The following CDH8 variants were observed in gnomAD, a reference collection of about 807,000 sequenced individuals.
CDH8 encodes cadherin-8.
Under a neutral mutation model 68.1 loss-of-function variants are expected in CDH8, and 17 were observed. The ratio of observed to expected loss-of-function variants is 0.25; its 90% CI spans 0.17 to 0.37. The LOEUF (loss-of-function observed/expected upper bound fraction) is 0.37. CDH8 is among the 10% of genes least tolerant of loss of function. The probability of loss-of-function intolerance (pLI) is 1.00; values close to 1 mark genes in which losing one functional copy is unlikely to be tolerated. For missense variants in CDH8, 763 were observed against 999.3 expected (o/e 0.76, Z 3.19); for synonymous variants, 372 against 365.1 (o/e 1.02, Z -0.21).
intron 8 of CDH8, among the ~76,000 whole-genome samples, chr16:61,789,108 T>A (rs1472677852): frequency 1.3e-5 from 2 of 152,102 alleles, no homozygotes; most frequent in Non-Finnish European, 2.9e-5. Context: ...TTGTTTTTAA[T>A]GGCTGAATAA....
intron 10 of CDH8, among the ~76,000 whole-genome samples, chr16:61,711,176 T>C (rs1244271177): frequency 6.6e-6 from 1 of 151,954 alleles, no homozygotes; most frequent in Non-Finnish European, 1.5e-5. Flanking sequence ...AAGAGAGAGC[T>C]CATTTCTATC....
intron 3 of CDH8, among the ~76,000 whole-genome samples, chr16:61,874,086 T>A (rs1366858438): frequency 6.6e-6 from 1 of 152,018 alleles, no homozygotes; most frequent in Admixed American, 6.6e-5. Context: ...AACTCTATGA[T>A]GTCCTGTGGT....
chr16:61,917,968 CTTTT>C (rs71390381), intron 2 of CDH8, among the ~76,000 whole-genome samples: 6,348 of 131,784 alleles, frequency 0.048, 359 homozygotes, highest in East Asian at 0.25. Context: ...AAGTTATTTG[CTTTT>C]TTTTTTTTTT....
intron 7 of CDH8, among the ~76,000 whole-genome samples, chr16:61,797,888 C>G (rs1596976513): frequency 6.6e-6 from 1 of 151,974 alleles, no homozygotes; most frequent in Non-Finnish European, 1.5e-5. Flanking sequence ...TCTCAGATTC[C>G]AAATCTATGT....
intron 8 of CDH8, among the ~76,000 whole-genome samples, chr16:61,740,019 C>T (rs571681020): frequency 2.7e-5 from 4 of 150,762 alleles, no homozygotes; most frequent in Middle Eastern, 6.8e-3. Context: ...GTGATTCTCC[C>T]GCCTCAGCCT....
At chr16:61,956,421 A>T (rs1439826827) in intron 2 of CDH8, among the ~76,000 whole-genome samples, 2 of 150,822 alleles carry the variant, frequency 1.3e-5, no homozygotes, top group African/African-American at 4.9e-5. Flanking sequence ...AACTCCAAAT[A>T]ATCCATCTTG....
chr16:61,752,885 T>A (rs1203890055), intron 8 of CDH8, among the ~76,000 whole-genome samples: 3 of 152,272 alleles, frequency 2.0e-5, no homozygotes, highest in Middle Eastern at 3.4e-3. Flanking sequence ...ATAAATTAGA[T>A]CAAACTGCCT....
chr16:61,999,286 A>G (rs1965854282), intron 2 of CDH8, among the ~76,000 whole-genome samples: 11 of 152,190 alleles, frequency 7.2e-5, no homozygotes, highest in Admixed American at 7.2e-4. Flanking sequence ...TTATGTTCAC[A>G]TGGATTTGGA....
chr16:61,959,984 GTATATATATATATATATA>G lies in CDH8; in HGVS notation c.253-58529_253-58512del, dbSNP rs1181394965. Among the ~76,000 whole-genome samples, 2 of 44,556 alleles carry G rather than the reference GTATATATATATATATATA, an allele frequency of 4.5e-5. 1 individual carries two copies. The highest frequency in any genetic ancestry group is 8.1e-5 in the Non-Finnish European group (2 of 24,724). 29.2% of individuals were successfully genotyped at this position (44,556 alleles called of 152,430 possible). A position where few individuals can be genotyped will look rare whatever the true frequency, so the allele number is the denominator to read the frequency against. The stretch of plus-strand genomic sequence containing the variant: ...GTATGTGGTGTATGTGTGTGTGTGT[GTATATATATATATATATA>G]TATATATATATATACACACATACAC... On this transcript the variant is annotated intron_variant, in intron 2 of 11. Coordinates refer to ENST00000577390, the MANE Select transcript of CDH8 (RefSeq NM_001796.5).
chr16:61,651,133 C>T lies in CDH8; in HGVS notation c.*2475G>A, dbSNP rs1008175909. 1.3e-5 allele frequency: 2 copies of T among 152,192 alleles called. 1 individual carries two copies. The highest frequency in any genetic ancestry group is 4.1e-4 in the South Asian group (2 of 4,832). The allele number at this position is 152,192 out of a possible 1,614,324, so 9.4% of individuals were successfully genotyped here. ...TATAATCTTTGGGCACTTCAAAGTA[C>T]ACTAGAAATGAGTCTGGTGTTCAAG... On this transcript the variant is annotated 3_prime_UTR_variant, in exon 12 of 12. Coordinates refer to ENST00000577390, the MANE Select transcript of CDH8 (RefSeq NM_001796.5).
intron 8 of CDH8, among the ~76,000 whole-genome samples, chr16:61,779,564 C>T (rs1221517285): frequency 2.0e-5 from 3 of 151,746 alleles, no homozygotes; most frequent in Non-Finnish European, 4.4e-5. Flanking sequence ...GAAATCTGGA[C>T]TATTCCTTGT....
intron 2 of CDH8, among the ~76,000 whole-genome samples, chr16:61,948,516 T>C (rs1433014288): frequency 6.6e-6 from 1 of 152,152 alleles, no homozygotes; most frequent in East Asian, 1.9e-4. Context: ...CTCTGGGAGC[T>C]TCCCTACTCA....
chr16:61,766,756 A>G (rs1960606092), intron 8 of CDH8, among the ~76,000 whole-genome samples: 1 of 151,956 alleles, frequency 6.6e-6, no homozygotes, highest in South Asian at 2.1e-4. Context: ...AATTTTATAA[A>G]ATGGAGATAA....
chr16:61,879,907 T>G (rs1963537106), intron 3 of CDH8, among the ~76,000 whole-genome samples: 2 of 100,966 alleles, frequency 2.0e-5, no homozygotes, highest in South Asian at 5.6e-4. Flanking sequence ...TGAGGTTTTT[T>G]GGGTTTTTTT....
At chr16:61,916,239 C>T (rs1964236037) in intron 2 of CDH8, among the ~76,000 whole-genome samples, 1 of 152,174 alleles carries the variant, frequency 6.6e-6, no homozygotes, top group Admixed American at 6.5e-5. Flanking sequence ...GTCGGCCAGG[C>T]ATTGTGGCTC....
At chr16:61,925,074 T>C (rs1384913256) in intron 2 of CDH8, among the ~76,000 whole-genome samples, 4 of 152,194 alleles carry the variant, frequency 2.6e-5, no homozygotes, top group African/African-American at 9.6e-5. Flanking sequence ...ATATAGCATA[T>C]GTTTATAGTC....
chr16:61,762,069 A>G (rs1960484442), intron 8 of CDH8, among the ~76,000 whole-genome samples: 1 of 152,272 alleles, frequency 6.6e-6, no homozygotes, highest in African/African-American at 2.4e-5. Flanking sequence ...GCCATGAACT[A>G]AAGACGGGAG....
chr16:61,932,393 G>A (rs7188068), intron 2 of CDH8, among the ~76,000 whole-genome samples: 51,816 of 151,876 alleles, frequency 0.34, 9,484 homozygotes, highest in African/African-American at 0.46. Context: ...GGTGTGTTAA[G>A]AGTGTATATA....
chr16:61,843,636 C>G (rs1962735011), intron 4 of CDH8, among the ~76,000 whole-genome samples: 1 of 152,146 alleles, frequency 6.6e-6, no homozygotes, highest in Non-Finnish European at 1.5e-5. Context: ...GAAACAGTGA[C>G]CACTCAGAGG....
Sources: allele counts gnomAD v4.1 joint callset (sites outside exome capture counted in the v4.1 genomes callset), GRCh38; gene constraint gnomAD v4.1.1; transcripts MANE v1.5; gene names NCBI Gene and HGNC (gene_info 2026-07-23, HGNC 2026-07-21).